Variants in SUGCT observed in about 807,000 individuals in gnomAD.
The protein encoded by SUGCT is succinyl-CoA:glutarate-CoA transferase, also known as succinyl-CoA:glutarate CoA-transferase.
A neutral mutation model predicts 55.0 loss-of-function variants in SUGCT; 41 were observed. The observed-to-expected ratio is 0.74, with a 90% CI of 0.58 to 0.97. The LOEUF is 0.97. Among genes scored for constraint, SUGCT ranks in the 50% least tolerant of loss-of-function variants. SUGCT has a pLI of 0.00. For synonymous variants in SUGCT, 187 were observed against 200.4 expected (o/e 0.93, Z 0.56); for missense variants, 568 against 547.8 (o/e 1.04, Z -0.37).
chr7:40,899,999 C>T, the SUGCT span, among the ~76,000 whole-genome samples: 5 of 152,134 alleles, frequency 3.3e-5, no homozygotes, highest in Admixed American at 2.6e-4. Context: ...GGGCCCTGGC[C>T]CTCTCTCTTC....
intron 12 of SUGCT, among the ~76,000 whole-genome samples, chr7:40,720,937 T>C (rs1326930469): frequency 3.9e-5 from 6 of 152,220 alleles, no homozygotes; most frequent in Admixed American, 1.3e-4. Flanking sequence ...AGAGTCAGGT[T>C]ATTTTTCCTG....
At chr7:40,628,015 GT>G (rs1799605083) in intron 12 of SUGCT, among the ~76,000 whole-genome samples, 1 of 152,262 alleles carries the variant, frequency 6.6e-6, no homozygotes, top group Admixed American at 6.5e-5. Flanking sequence ...ATATTGAGTG[GT>G]TTTATATTTA....
At chr7:40,305,793 C>A (rs1794822266) in intron 8 of SUGCT, among the ~76,000 whole-genome samples, 1 of 152,074 alleles carries the variant, frequency 6.6e-6, no homozygotes, top group Admixed American at 6.6e-5. Context: ...TCCTAAGTAG[C>A]TAGTTCTACA....
At chr7:40,503,684 T>C (rs999035714) in intron 12 of SUGCT, among the ~76,000 whole-genome samples, 4 of 152,176 alleles carry the variant, frequency 2.6e-5, no homozygotes, top group African/African-American at 9.6e-5. Context: ...GAGTTTACTG[T>C]AGACTATTTT....
At chr7:40,354,029 A>G (rs886118898) in intron 9 of SUGCT, among the ~76,000 whole-genome samples, 1 of 152,194 alleles carries the variant, frequency 6.6e-6, no homozygotes, top group African/African-American at 2.4e-5. Flanking sequence ...GTATTAGTTT[A>G]GGCTATTTTC....
intron 12 of SUGCT, among the ~76,000 whole-genome samples, chr7:40,536,848 A>G (rs373898300): frequency 2.0e-5 from 3 of 152,194 alleles, no homozygotes; most frequent in East Asian, 3.9e-4. Flanking sequence ...CTACAGAATC[A>G]TCTTGTTTTC....
At chr7:40,425,893 G>A (rs1787562851) in intron 9 of SUGCT, among the ~76,000 whole-genome samples, 1 of 152,146 alleles carries the variant, frequency 6.6e-6, no homozygotes, top group South Asian at 2.1e-4. Flanking sequence ...GTTAATGAAT[G>A]CTTGGGGAAG....
chr7:40,361,403 T>A (rs1229677081), intron 9 of SUGCT, among the ~76,000 whole-genome samples: 1 of 151,746 alleles, frequency 6.6e-6, no homozygotes, highest in African/African-American at 2.4e-5. Flanking sequence ...TGAACTCCTG[T>A]CTCTACTAAA....
At chr7:40,423,716 G>T (rs762372431) in intron 9 of SUGCT, among the ~76,000 whole-genome samples, 9 of 152,026 alleles carry the variant, frequency 5.9e-5, no homozygotes, top group African/African-American at 9.7e-5. Flanking sequence ...TCTTCTATAT[G>T]TGTATGTTTT....
intron 11 of SUGCT, among the ~76,000 whole-genome samples, chr7:40,476,529 C>A (rs1242760898): frequency 4.6e-5 from 7 of 151,922 alleles, no homozygotes; most frequent in African/African-American, 1.2e-4. Flanking sequence ...ATTGTGAGTT[C>A]TTTTTTTGCG....
chr7:40,156,348 A>T (rs1379904085), intron 1 of SUGCT, among the ~76,000 whole-genome samples: 1 of 152,082 alleles, frequency 6.6e-6, no homozygotes, highest in East Asian at 2.0e-4. Context: ...CTGTAGTCGC[A>T]GCTACTCAGG....
intron 13 of SUGCT, among the ~76,000 whole-genome samples, chr7:40,829,055 C>T (rs1202578737): frequency 6.6e-6 from 1 of 152,120 alleles, no homozygotes; most frequent in African/African-American, 2.4e-5. Context: ...ACAAAAGTGA[C>T]CCTCTTGCCC....
chr7:40,498,754 GT>G (rs1792121336), intron 12 of SUGCT, among the ~76,000 whole-genome samples: 1 of 152,214 alleles, frequency 6.6e-6, no homozygotes, highest in Non-Finnish European at 1.5e-5. Context: ...AGTAGTAGCT[GT>G]GGTTATGATG....
At chr7:40,649,083 T>C (rs1800655504) in intron 12 of SUGCT, among the ~76,000 whole-genome samples, 1 of 152,238 alleles carries the variant, frequency 6.6e-6, no homozygotes, top group African/African-American at 2.4e-5. Flanking sequence ...AATTTATTGT[T>C]TTTTAAATGG....
In SUGCT at chr7:40,208,299, G is replaced by A. The variant is rs534300185; in HGVS notation, c.484+13239G>A. Among the ~76,000 whole-genome samples, 87 of 152,240 alleles carry A rather than the reference G, an allele frequency of 5.7e-4. 1 individual carries two copies. Among genetic ancestry groups the A allele is most frequent in the African/African-American group, 2.0e-3 (82 of 41,556 alleles). On this transcript the variant is annotated intron_variant, in intron 6 of 13. Coordinates refer to ENST00000335693, the MANE Select transcript of SUGCT (RefSeq NM_001193313.2). ...ATGCAACTATGTGAATATATTTAAT[G>A]CCGGTGCACTGTACACTTAAAAATG...
chr7:40,242,646 G>C (rs889436889), intron 7 of SUGCT, among the ~76,000 whole-genome samples: 1 of 151,702 alleles, frequency 6.6e-6, no homozygotes, highest in African/African-American at 2.4e-5. Context: ...CCTTGCTTCT[G>C]CATGCTGCTT....
intron 12 of SUGCT, among the ~76,000 whole-genome samples, chr7:40,579,968 T>C (rs982304406): frequency 6.6e-6 from 1 of 152,210 alleles, no homozygotes; most frequent in Non-Finnish European, 1.5e-5. Context: ...AAGAGATAAC[T>C]GTAAAGTAAC....
chr7:40,406,234 G>T (rs1352406879), intron 9 of SUGCT, among the ~76,000 whole-genome samples: 1 of 152,104 alleles, frequency 6.6e-6, no homozygotes, highest in Non-Finnish European at 1.5e-5. Context: ...TCATCAGAAT[G>T]CAGGGTCTGA....
chr7:40,272,183 T>TAC (rs1792101772), intron 7 of SUGCT, among the ~76,000 whole-genome samples: 1 of 57,156 alleles, frequency 1.7e-5, no homozygotes, highest in Non-Finnish European at 3.1e-5. Context: ...TATATATATA[T>TAC]ATATATATAT....
Sources: allele counts gnomAD v4.1 joint callset (sites outside exome capture counted in the v4.1 genomes callset), GRCh38; gene constraint gnomAD v4.1.1; transcripts MANE v1.5; gene names NCBI Gene and HGNC (gene_info 2026-07-23, HGNC 2026-07-21).